Variants in MAN2A1 observed in about 807,000 individuals in gnomAD.
The protein encoded by MAN2A1 is mannosidase alpha class 2A member 1.
MAN2A1 carries 76 observed loss-of-function variants against 142.6 expected under a neutral mutation model. That is an observed-to-expected ratio of 0.53 (90% CI 0.44 to 0.65). The LOEUF is 0.65. Among genes scored for constraint, MAN2A1 ranks in the 30% least tolerant of loss-of-function variants. The pLI is 0.00. For missense variants in MAN2A1, 1,311 were observed against 1,365.1 expected, an observed-to-expected ratio of 0.96 and a Z score of 0.62; for synonymous variants, 559 against 473.2, an observed-to-expected ratio of 1.18 and a Z score of -2.35.
At chr5:109,839,510 TAA>T (rs35613493) in intron 16 of MAN2A1, among the ~76,000 whole-genome samples, 58 of 143,080 alleles carry the variant, frequency 4.1e-4, no homozygotes, top group Middle Eastern at 3.7e-3. Context: ...CTATGGCCAT[TAA>T]AAAAAAAAAA....
intron 9 of MAN2A1, 120 bp from the exon 10 acceptor site, chr5:109,784,624 C>T: frequency 1.5e-6 from 1 of 681,664 alleles, no homozygotes; most frequent in African/African-American, 1.8e-5. Context: ...ATATCTTTTT[C>T]ATAAATTGCT....
chr5:109,810,803 T>C lies in MAN2A1; in HGVS notation c.1944-6470T>C, dbSNP rs146070903. On this transcript the variant is annotated intron_variant, in intron 12 of 21. Coordinates refer to ENST00000261483, the MANE Select transcript of MAN2A1 (RefSeq NM_002372.4). Reference sequence around the variant, plus strand: ...CCTCAGGCAAATGATTATTATTTTTTATCTGGCTTTTCTAGTTGGCTAGTA... The same window carrying C: ...CCTCAGGCAAATGATTATTATTTTTCATCTGGCTTTTCTAGTTGGCTAGTA... Among the ~76,000 whole-genome samples, 85 of 152,334 alleles carry C rather than the reference T, an allele frequency of 5.6e-4. 2 individuals are homozygous for C. The East Asian group carries it at 0.015, about 26-fold the overall frequency.
Position 109,690,328 on chromosome 5 carries a change from G to A in MAN2A1, c.-90G>A, listed in dbSNP as rs1324151127. 5 of 1,422,208 alleles carry A rather than the reference G, an allele frequency of 3.5e-6. No homozygotes were observed. Among genetic ancestry groups the A allele is most frequent in the South Asian group, 3.5e-5 (3 of 85,966 alleles). The allele number at this position is 1,422,208 out of a possible 1,614,324, so 88.1% of individuals were successfully genotyped here. On this transcript the variant is annotated 5_prime_UTR_variant, in exon 1 of 22. Coordinates refer to ENST00000261483, the MANE Select transcript of MAN2A1 (RefSeq NM_002372.4). ...GCGGAGGTCGCGCAGCCCGGGAGAA[G>A]GGAGCCTCCGGCGGCTGCTTCCTAG...
chr5:109,832,707 G>A (rs959509478), intron 16 of MAN2A1, among the ~76,000 whole-genome samples: 1 of 152,162 alleles, frequency 6.6e-6, no homozygotes, highest in South Asian at 2.1e-4. Flanking sequence ...CAGACAGGGT[G>A]GCGGCCGGGC....
At chr5:109,834,558 GC>G (rs1755012409) in intron 16 of MAN2A1, among the ~76,000 whole-genome samples, 2 of 152,026 alleles carry the variant, frequency 1.3e-5, no homozygotes, top group African/African-American at 4.8e-5. Context: ...TGATCAAAAT[GC>G]CATACCTTTC....
intron 1 of MAN2A1, chr5:109,699,379 G>GA (rs1357629507): frequency 6.6e-6 from 1 of 152,110 alleles, no homozygotes; most frequent in East Asian, 1.9e-4. Flanking sequence ...TAGGTAGGAG[G>GA]AATAAGTTCA....
chr5:109,713,444 T>TAAA, intron 1 of MAN2A1, 76 bp from the exon 2 acceptor site: 1 of 1,115,020 alleles, frequency 9.0e-7, no homozygotes, highest in Non-Finnish European at 1.2e-6. Flanking sequence ...CCACATAATT[T>TAAA]AAAAAAAAAA....
chr5:109,854,128 A>C (rs1755549700), intron 19 of MAN2A1: 1 of 152,204 alleles, frequency 6.6e-6, no homozygotes, highest in South Asian at 2.1e-4. Context: ...AAAGGATGCA[A>C]AATCAGAAGA....
chr5:109,786,710 T>C (rs1382196650), intron 10 of MAN2A1, among the ~76,000 whole-genome samples: 4 of 151,982 alleles, frequency 2.6e-5, no homozygotes, highest in African/African-American at 9.7e-5. Flanking sequence ...AACAAAGAGG[T>C]AGTTAGTATT....
intron 8 of MAN2A1, among the ~76,000 whole-genome samples, chr5:109,777,110 G>C (rs1465400137): frequency 6.6e-6 from 1 of 152,078 alleles, no homozygotes; most frequent in Non-Finnish European, 1.5e-5. Flanking sequence ...GGTATAAAAT[G>C]GGATGTAATT....
chr5:109,840,185 G>T, intron 16 of MAN2A1: 1 of 204,118 alleles, frequency 4.9e-6, no homozygotes, highest in Non-Finnish European at 1.0e-5. Context: ...AAATCTTGTG[G>T]CTTCCTTGAT....
chr5:109,867,113 G>T lies in MAN2A1; in HGVS notation c.*115G>T. On this transcript the variant is annotated 3_prime_UTR_variant, in exon 22 of 22. Transcript: ENST00000261483. ...TGGCTACTGTGAGAACATGAATTCTGTGATTCTGTGGGTTTTTTCTTTTTT... is the reference window on the plus strand; with the variant it reads ...TGGCTACTGTGAGAACATGAATTCTTTGATTCTGTGGGTTTTTTCTTTTTT... 1 of 554,782 alleles carries T rather than the reference G, an allele frequency of 1.8e-6. No individual in the cohort carries two copies. The highest frequency in any genetic ancestry group is 2.8e-6 in the Non-Finnish European group (1 of 361,850). The allele number at this position is 554,782 out of a possible 1,614,324, so 34.4% of individuals were successfully genotyped here.
chr5:109,835,689 T>A (rs1755039254), intron 16 of MAN2A1, among the ~76,000 whole-genome samples: 1 of 152,178 alleles, frequency 6.6e-6, no homozygotes, highest in Non-Finnish European at 1.5e-5. Context: ...TTGTCGTTTT[T>A]CCCAAGTTGT....
intron 7 of MAN2A1, among the ~76,000 whole-genome samples, chr5:109,772,924 A>G (rs954868123): frequency 2.6e-5 from 4 of 152,186 alleles, no homozygotes; most frequent in Non-Finnish European, 4.4e-5. Context: ...AAGAAATATC[A>G]TTCTTTGTCA....
At chr5:109,746,659 G>A (rs919578072) in intron 4 of MAN2A1, among the ~76,000 whole-genome samples, 1 of 144,090 alleles carries the variant, frequency 6.9e-6, no homozygotes, top group Non-Finnish European at 1.5e-5. Flanking sequence ...ATTTTTAAGT[G>A]TACAGTAGCA....
At chr5:109,707,939 G>T (rs1481680065) in intron 1 of MAN2A1, among the ~76,000 whole-genome samples, 1 of 152,184 alleles carries the variant, frequency 6.6e-6, no homozygotes, top group Non-Finnish European at 1.5e-5. Context: ...CATCAGGCAG[G>T]TATTTGAATA....
At chr5:109,820,032 AC>A in intron 14 of MAN2A1, 145 bp downstream of exon 14, 1 of 775,744 alleles carries the variant, frequency 1.3e-6, no homozygotes, top group South Asian at 1.8e-5. Context: ...AGCTTTTTGC[AC>A]CTTCATTGAC....
At chr5:109,695,223 G>T (rs544385428) in intron 1 of MAN2A1, among the ~76,000 whole-genome samples, 97 of 151,908 alleles carry the variant, frequency 6.4e-4, no homozygotes, top group African/African-American at 2.1e-3. Context: ...TTTGTTTTTT[G>T]TTTTTTTTAA....
Position 109,837,038 on chromosome 5 carries a change from T to C in MAN2A1, c.2567-5290T>C, listed in dbSNP as rs78352678. ...CACAGCATTCCATAACATGGGTGTA[T>C]GTGATTTTATTTATTCATTTCCCTG... On this transcript the variant is annotated intron_variant, in intron 16 of 21. Transcript: ENST00000261483. Among the ~76,000 whole-genome samples the C allele has an allele frequency of 6.3e-3, 948 of 150,242 alleles. 16 individuals carry two copies. Among genetic ancestry groups the C allele is most frequent in the African/African-American group, 0.022 (886 of 40,666 alleles).
Sources: allele counts gnomAD v4.1 joint callset (sites outside exome capture counted in the v4.1 genomes callset), GRCh38; gene constraint gnomAD v4.1.1; transcripts MANE v1.5; gene names NCBI Gene and HGNC (gene_info 2026-07-23, HGNC 2026-07-21).